CDK19: variants seen among roughly 807,000 people sequenced by gnomAD.
CDK19 encodes the protein cyclin-dependent kinase 19.
Under a neutral mutation model 68.3 loss-of-function variants are expected in CDK19, and 20 were observed. That is an observed-to-expected ratio of 0.29 (90% CI 0.21 to 0.43). The LOEUF (loss-of-function observed/expected upper bound fraction) is 0.43. Ranked by LOEUF, CDK19 falls within the 20% of genes least tolerant of loss-of-function variation. CDK19 has a pLI of 1.00. For missense variants in CDK19, 339 were observed against 623.5 expected (o/e 0.54, Z 4.86); for synonymous variants, 221 against 222.8 (o/e 0.99, Z 0.07).
chr6:110,812,833 A>T (rs889298894), intron 1 of CDK19, among the ~76,000 whole-genome samples: 2 of 147,248 alleles, frequency 1.4e-5, no homozygotes, highest in Admixed American at 6.7e-5. Context: ...AAAAAAAAAA[A>T]TTTAACATGA....
intron 1 of CDK19, among the ~76,000 whole-genome samples, chr6:110,766,752 C>T (rs1779619138): frequency 6.6e-6 from 1 of 152,172 alleles, no homozygotes; most frequent in Admixed American, 6.5e-5. Context: ...GTAATCGCAG[C>T]ACTTTGGGAG....
chr6:110,652,579 G>A (rs1171727238), intron 4 of CDK19, among the ~76,000 whole-genome samples: 1 of 152,196 alleles, frequency 6.6e-6, no homozygotes, highest in African/African-American at 2.4e-5. Flanking sequence ...ACACTACGAA[G>A]TATGAGATCT....
chr6:110,807,091 G>A (rs1417808262), intron 1 of CDK19, among the ~76,000 whole-genome samples: 1 of 151,816 alleles, frequency 6.6e-6, no homozygotes, highest in African/African-American at 2.4e-5. Flanking sequence ...CTTGAGGCCA[G>A]GAGTTCAAGA....
intron 9 of CDK19, 98 bp from the exon 10 acceptor site, chr6:110,623,010 T>C (rs1268018952): frequency 3.6e-6 from 3 of 834,540 alleles, no homozygotes; most frequent in Non-Finnish European, 6.2e-6. Context: ...TAATATAAAA[T>C]ACATTTGGTG....
chr6:110,698,636 C>T lies in CDK19; in HGVS notation c.205-28095G>A, dbSNP rs575901287. Among the ~76,000 whole-genome samples, 5 of 152,256 alleles carry T rather than the reference C, an allele frequency of 3.3e-5. No individual in the cohort carries two copies. In the South Asian group the frequency reaches 1.0e-3, roughly 32 times the overall value. On this transcript the variant is annotated intron_variant, in intron 2 of 12. Coordinates refer to ENST00000368911, the MANE Select transcript of CDK19 (RefSeq NM_015076.5). ...CTAAGCATAGATCCACCATTCAATC[C>T]AGCAATCCCACTACCAGGTGTCTAC...
chr6:110,727,801 C>T (rs1482445435), intron 2 of CDK19, among the ~76,000 whole-genome samples: 2 of 151,214 alleles, frequency 1.3e-5, no homozygotes, highest in African/African-American at 4.9e-5. Context: ...ACCGAGACCT[C>T]ATCTCTACTA....
Position 110,815,395 on chromosome 6 carries a change from T to G in CDK19, c.-259A>C. 5.7e-6 allele frequency: 2 copies of G among 349,964 alleles called. No homozygotes were observed. Among genetic ancestry groups the G allele is most frequent in the East Asian group, 4.9e-5 (1 of 20,464 alleles). The allele number at this position is 349,964 out of a possible 1,614,324, so 21.7% of individuals were successfully genotyped here. A position where few individuals can be genotyped will look rare whatever the true frequency, so the allele number is the denominator to read the frequency against. ...TCCCGCAGGCACCCCCAGTCCCGCC[T>G]CCCTCCTTCATTTCCTTGTTTTGGA... On this transcript the variant is annotated 5_prime_UTR_variant, in exon 1 of 13. Transcript: ENST00000368911.
chr6:110,814,515 T>G, intron 1 of CDK19: 1 of 442,684 alleles, frequency 2.3e-6, no homozygotes, highest in East Asian at 7.1e-5. Flanking sequence ...GCCGTGGGGC[T>G]GGCGAGGACC....
intron 1 of CDK19, among the ~76,000 whole-genome samples, chr6:110,761,803 G>T (rs1344797539): frequency 6.6e-6 from 1 of 152,088 alleles, no homozygotes; most frequent in Non-Finnish European, 1.5e-5. Flanking sequence ...TAAGTTCATT[G>T]AAAGCAATGA....
At chr6:110,743,096 C>G (rs575352746) in intron 2 of CDK19, among the ~76,000 whole-genome samples, 2 of 152,146 alleles carry the variant, frequency 1.3e-5, no homozygotes, top group East Asian at 3.9e-4. Flanking sequence ...CTGACACTTA[C>G]GGAAAATAGA....
At chr6:110,624,796 T>C (rs1305971471) in intron 8 of CDK19, among the ~76,000 whole-genome samples, 8 of 152,222 alleles carry the variant, frequency 5.3e-5, no homozygotes, top group Non-Finnish European at 7.3e-5. Flanking sequence ...CTGATGTGCA[T>C]GGCAGGGAGC....
At chr6:110,788,038 T>C (rs1198917726) in intron 1 of CDK19, among the ~76,000 whole-genome samples, 3 of 152,010 alleles carry the variant, frequency 2.0e-5, no homozygotes, top group Non-Finnish European at 4.4e-5. Context: ...CAGGGTTTCA[T>C]CATGTTAGTC....
At chr6:110,779,356 C>T (rs1780634418) in intron 1 of CDK19, among the ~76,000 whole-genome samples, 1 of 152,172 alleles carries the variant, frequency 6.6e-6, no homozygotes, top group South Asian at 2.1e-4. Context: ...TCACCCTATA[C>T]ACAGGCATAA....
chr6:110,666,089 G>C (rs958550836), intron 4 of CDK19, among the ~76,000 whole-genome samples: 2 of 137,750 alleles, frequency 1.5e-5, no homozygotes, highest in African/African-American at 5.0e-5. Flanking sequence ...TAGTAAAGTG[G>C]ACACATGGAA....
At chr6:110,636,556 T>C (rs1219437982) in intron 5 of CDK19, among the ~76,000 whole-genome samples, 1 of 152,000 alleles carries the variant, frequency 6.6e-6, no homozygotes, top group Non-Finnish European at 1.5e-5. Context: ...TTTACTGCAG[T>C]AAAGGAGAAA....
At chr6:110,763,779 A>G (rs1779390486) in intron 1 of CDK19, among the ~76,000 whole-genome samples, 1 of 152,214 alleles carries the variant, frequency 6.6e-6, no homozygotes, top group South Asian at 2.1e-4. Context: ...AGAAAAGGAA[A>G]TAAGAGGTAT....
At chr6:110,809,667 GTTTT>G (rs1420069024) in intron 1 of CDK19, among the ~76,000 whole-genome samples, 1 of 151,910 alleles carries the variant, frequency 6.6e-6, no homozygotes, top group African/African-American at 2.4e-5. Flanking sequence ...TAAAAACTTC[GTTTT>G]TTAAGAAAAG....
At chr6:110,698,988 A>C (rs1773743495) in intron 2 of CDK19, among the ~76,000 whole-genome samples, 1 of 147,856 alleles carries the variant, frequency 6.8e-6, no homozygotes, top group African/African-American at 2.5e-5. Flanking sequence ...CAGGAGGTCG[A>C]GGCTGCAGTG....
intron 12 of CDK19, among the ~76,000 whole-genome samples, chr6:110,617,856 CAAAAAAAAA>C (rs58620857): frequency 5.8e-4 from 10 of 17,360 alleles, no homozygotes; most frequent in East Asian, 1.5e-3. Context: ...GACTCTGTCT[CAAAAAAAAA>C]AAAAAAAAAA....
Sources: gnomAD v4.1 joint callset for allele counts (sites outside exome capture counted in the v4.1 genomes callset) on GRCh38, gnomAD v4.1.1 for gene constraint, MANE v1.5 for transcripts, NCBI Gene and HGNC (gene_info 2026-07-23, HGNC 2026-07-21) for gene names.